C16orf87: variants seen among roughly 807,000 people sequenced by gnomAD.
C16orf87 encodes UPF0547 protein C16orf87.
Under a neutral mutation model 21.0 loss-of-function variants are expected in C16orf87, and 13 were observed. That is an observed-to-expected ratio of 0.62 (90% CI 0.40 to 0.98). C16orf87 has a LOEUF of 0.98. Ranked by LOEUF, C16orf87 falls within the 50% of genes least tolerant of loss-of-function variation. The probability of loss-of-function intolerance (pLI) is 0.00; values close to 1 mark genes in which losing one functional copy is unlikely to be tolerated. For missense variants in C16orf87, 113 were observed against 180.4 expected (o/e 0.63, Z 2.14); for synonymous variants, 49 against 60.2 (o/e 0.81, Z 0.86).
At chr16:46,806,255 A>ATTTTTT (rs765265445) in intron 3 of C16orf87, among the ~76,000 whole-genome samples, 2 of 125,778 alleles carry the variant, frequency 1.6e-5, no homozygotes, top group African/African-American at 3.0e-5. Context: ...GTCTACATTC[A>ATTTTTT]TTTTTTTTTT....
rs1291150586 is a variant in C16orf87 at position 46,801,554 on chromosome 16, G to C, written c.*1398C>G. On this transcript the variant is annotated 3_prime_UTR_variant, in exon 4 of 4. Coordinates refer to ENST00000285697, the MANE Select transcript of C16orf87 (RefSeq NM_001001436.4). ...TAAATAAAATGCATACAAAATAGTT[G>C]CAGTAGTACCTGCAGATAGATACAG... The C allele has an allele frequency of 6.6e-6, 1 of 152,126 alleles. No individual in the cohort carries two copies. Among genetic ancestry groups the C allele is most frequent in the African/African-American group, 2.4e-5 (1 of 41,424 alleles). 9.4% of individuals were successfully genotyped at this position (152,126 alleles called of 1,614,324 possible). A position where few individuals can be genotyped will look rare whatever the true frequency, so the allele number is the denominator to read the frequency against.
rs1967744151 is a variant in C16orf87 at position 46,800,734 on chromosome 16, A to T, written c.*2218T>A. On this transcript the variant is annotated 3_prime_UTR_variant, in exon 4 of 4. Transcript: ENST00000285697. Reference sequence around the variant, plus strand: ...CAAAGTAATATTTTCTGGGACCATTACAACATGCCTAGACAAATTAAATTT... The same window carrying T: ...CAAAGTAATATTTTCTGGGACCATTTCAACATGCCTAGACAAATTAAATTT... The T allele has an allele frequency of 6.6e-6, 1 of 152,204 alleles. No individual in the cohort carries two copies. The allele number at this position is 152,204 out of a possible 1,614,324, so 9.4% of individuals were successfully genotyped here.
chr16:46,800,465 T>C lies in C16orf87; in HGVS notation c.*2487A>G, dbSNP rs1164326387. On this transcript the variant is annotated 3_prime_UTR_variant, in exon 4 of 4. Transcript: ENST00000285697. ...GTATTAAAGTGCCCACAAAAACATT[T>C]TGGAATACCATGGAGTTGAGGCAGG... 1 of 152,182 alleles carries C rather than the reference T, an allele frequency of 6.6e-6. No homozygotes were observed. Among genetic ancestry groups the C allele is most frequent in the Non-Finnish European group, 1.5e-5 (1 of 68,028 alleles). 9.4% of individuals were successfully genotyped at this position (152,182 alleles called of 1,614,324 possible).
At chr16:46,819,903 G>GGCAGAGGTT (rs1959344564) in intron 2 of C16orf87, among the ~76,000 whole-genome samples, 1 of 151,972 alleles carries the variant, frequency 6.6e-6, no homozygotes, top group Admixed American at 6.6e-5. Context: ...GAATCCAGGA[G>GGCAGAGGTT]GCAGAGGTTG....
In C16orf87 at chr16:46,803,036, GT is replaced by G; in HGVS notation, c.380del (p.Asn127ThrfsTer17). The G allele has an allele frequency of 6.3e-7, 1 of 1,599,580 alleles. No individual in the cohort carries two copies. The highest frequency in any genetic ancestry group is 2.2e-5 in the East Asian group (1 of 44,720). On this transcript the variant is annotated frameshift_variant, in exon 4 of 4. Transcript: ENST00000285697. LOFTEE classifies it high-confidence loss of function. ...KQEKEIDIYA[N>X]LSDEKAFVFS... Reference sequence around the variant, plus strand: ...ACACGAAAGCCTTTTCATCAGACAGGTTAGCATAGATGTCAATTTCCTTTTC... The same window carrying G: ...ACACGAAAGCCTTTTCATCAGACAGGTAGCATAGATGTCAATTTCCTTTTC...
At chr16:46,805,761 C>T (rs1376238766) in intron 3 of C16orf87, among the ~76,000 whole-genome samples, 20 of 152,244 alleles carry the variant, frequency 1.3e-4, no homozygotes, top group Admixed American at 1.3e-3. Flanking sequence ...AATTAGGCCA[C>T]TTCTCTGTGA....
intron 3 of C16orf87, among the ~76,000 whole-genome samples, chr16:46,805,121 A>T (rs1016603085): frequency 6.6e-6 from 1 of 152,184 alleles, no homozygotes; most frequent in Admixed American, 6.5e-5. Flanking sequence ...CCTTTTAACA[A>T]AGAAACTCAA....
chr16:46,799,803 A>G lies in C16orf87; in HGVS notation c.*3149T>C, dbSNP rs569023281. The G allele has an allele frequency of 1.3e-5, 2 of 152,280 alleles. No homozygotes were observed. The highest frequency in any genetic ancestry group is 3.9e-4 in the East Asian group (2 of 5,182). The allele number at this position is 152,280 out of a possible 1,614,324, so 9.4% of individuals were successfully genotyped here. On this transcript the variant is annotated 3_prime_UTR_variant, in exon 4 of 4. Transcript: ENST00000285697. ...CCTAGTAGCTGGAAGCACCACACCC[A>G]GCTAATTTTACTTTTTGTAGAGACG...
intron 2 of C16orf87, among the ~76,000 whole-genome samples, chr16:46,811,088 G>A (rs184294558): frequency 6.6e-6 from 1 of 152,262 alleles, no homozygotes; most frequent in African/African-American, 2.4e-5. Context: ...AAATGAAGAG[G>A]TTTCTCATAT....
At chr16:46,816,387 G>T (rs1212894322) in intron 2 of C16orf87, among the ~76,000 whole-genome samples, 3 of 152,102 alleles carry the variant, frequency 2.0e-5, no homozygotes, top group Non-Finnish European at 4.4e-5. Context: ...AGAATATTTT[G>T]TTATATTTTC....
In C16orf87 at chr16:46,831,153, C is replaced by T. The variant is rs752676894; in HGVS notation, c.-4G>A. The T allele has an allele frequency of 1.9e-6, 3 of 1,569,564 alleles. No individual in the cohort carries two copies. The highest frequency in any genetic ancestry group is 1.7e-6 in the Non-Finnish European group (2 of 1,155,380). The stretch of plus-strand genomic sequence containing the variant: ...TCTTGGCTCGAGTTGCAGACATGCT[C>T]CTCTCCCTTAGCGGCGGCAGCAGCG... On this transcript the variant is annotated 5_prime_UTR_variant, in exon 1 of 4. Coordinates refer to ENST00000285697, the MANE Select transcript of C16orf87 (RefSeq NM_001001436.4).
At chr16:46,817,757 T>TA (rs1959246412) in intron 2 of C16orf87, among the ~76,000 whole-genome samples, 1 of 151,822 alleles carries the variant, frequency 6.6e-6, no homozygotes, top group Non-Finnish European at 1.5e-5. Context: ...CCTAGTACAA[T>TA]AGCTGTACGG....
chr16:46,802,059 A>G lies in C16orf87; in HGVS notation c.*893T>C, dbSNP rs1567305091. 1 of 152,202 alleles carries G rather than the reference A, an allele frequency of 6.6e-6. No individual in the cohort carries two copies. Among genetic ancestry groups the G allele is most frequent in the Non-Finnish European group, 1.5e-5 (1 of 68,022 alleles). 9.4% of individuals were successfully genotyped at this position (152,202 alleles called of 1,614,324 possible). On this transcript the variant is annotated 3_prime_UTR_variant, in exon 4 of 4. Transcript: ENST00000285697. ...TTTAATCTACTTAGTTTCAATATTA[A>G]GGTTTATTTTTTCTTCCAGATTGAA...
chr16:46,821,150 GA>G (rs1475871863), intron 2 of C16orf87, among the ~76,000 whole-genome samples: 4 of 152,150 alleles, frequency 2.6e-5, no homozygotes, highest in Non-Finnish European at 5.9e-5. Context: ...GTAAAAACGA[GA>G]ATTACTGAGT....
rs1415245147 is a variant in C16orf87, at chr16:46,802,573, G to C, written c.*379C>G. ...TCTTTCTGACAGTATTTAAAATATT[G>C]CATCTCTGGTGGCAAACCTGAAAAC... On this transcript the variant is annotated 3_prime_UTR_variant, in exon 4 of 4. Coordinates refer to ENST00000285697, the MANE Select transcript of C16orf87 (RefSeq NM_001001436.4). 6.4e-6 allele frequency: 1 copy of C among 157,024 alleles called. No homozygotes were observed. The highest frequency in any genetic ancestry group is 6.5e-5 in the Admixed American group (1 of 15,482). The allele number at this position is 157,024 out of a possible 1,614,324, so 9.7% of individuals were successfully genotyped here.
intron 3 of C16orf87, among the ~76,000 whole-genome samples, chr16:46,804,952 C>A (rs904816727): frequency 3.9e-5 from 6 of 152,138 alleles, no homozygotes; most frequent in African/African-American, 1.4e-4. Flanking sequence ...CTTTGCTGGG[C>A]AATATTGCAT....
Position 46,809,595 on chromosome 16 carries a change from G to T in C16orf87, c.346+8C>A. The T allele has an allele frequency of 6.3e-7, 1 of 1,589,074 alleles. No homozygotes were observed. Among genetic ancestry groups the T allele is most frequent in the Non-Finnish European group, 8.6e-7 (1 of 1,164,302 alleles). On this transcript the variant is annotated splice_region_variant and intron_variant, in intron 3 of 3. Coordinates refer to ENST00000285697, the MANE Select transcript of C16orf87 (RefSeq NM_001001436.4). The stretch of plus-strand genomic sequence containing the variant: ...ACTTGAAAAAAAAACTGCTTGATTT[G>T]TTCATACCTCTTTCTTCCTCATGTT...
At chr16:46,822,272 G>C (rs1959444976) in intron 2 of C16orf87, among the ~76,000 whole-genome samples, 1 of 151,870 alleles carries the variant, frequency 6.6e-6, no homozygotes, top group Non-Finnish European at 1.5e-5. Flanking sequence ...CTGAATCACT[G>C]GTACATAAAA....
intron 2 of C16orf87, among the ~76,000 whole-genome samples, chr16:46,810,917 A>G (rs1308446614): frequency 6.6e-6 from 1 of 152,238 alleles, no homozygotes; most frequent in Non-Finnish European, 1.5e-5. Context: ...TATATCAAGC[A>G]TATGAGTACA....
Sources: gnomAD v4.1 joint callset for allele counts (sites outside exome capture counted in the v4.1 genomes callset) on GRCh38, gnomAD v4.1.1 for gene constraint, MANE v1.5 for transcripts, NCBI Gene and HGNC (gene_info 2026-07-23, HGNC 2026-07-21) for gene names.